Variants in SMURF1 observed in about 807,000 individuals in gnomAD.
The protein encoded by SMURF1 is E3 ubiquitin-protein ligase SMURF1.
Under a neutral mutation model 98.0 loss-of-function variants are expected in SMURF1, and 44 were observed. The ratio of observed to expected loss-of-function variants is 0.45; its 90% CI spans 0.35 to 0.58. SMURF1 has a LOEUF of 0.58. SMURF1 is among the 20% of genes least tolerant of loss of function. The probability of loss-of-function intolerance (pLI) is 0.00; values close to 1 mark genes in which losing one functional copy is unlikely to be tolerated. For missense variants in SMURF1, 687 were observed against 938.4 expected (o/e 0.73, Z 3.50); for synonymous variants, 396 against 374.9 (o/e 1.06, Z -0.65).
intron 3 of SMURF1, among the ~76,000 whole-genome samples, chr7:99,059,945 A>G (rs1310080725): frequency 2.0e-5 from 3 of 152,090 alleles, no homozygotes; most frequent in South Asian, 2.1e-4. Flanking sequence ...GGTAGAAACT[A>G]CAACTAGGTT....
At chr7:99,058,961 G>A (rs1050351305) in intron 3 of SMURF1, among the ~76,000 whole-genome samples, 7 of 152,296 alleles carry the variant, frequency 4.6e-5, no homozygotes, top group African/African-American at 1.7e-4. Context: ...GCGGGTACCT[G>A]TAATCCCAGC....
chr7:99,055,520 G>A (rs1486410577), intron 5 of SMURF1, among the ~76,000 whole-genome samples: 1 of 151,716 alleles, frequency 6.6e-6, no homozygotes, highest in Admixed American at 6.6e-5. Flanking sequence ...TTTTTTTGGG[G>A]GGGATTAAGT....
chr7:99,077,065 G>A (rs114869317), intron 1 of SMURF1, among the ~76,000 whole-genome samples: 1 of 151,688 alleles, frequency 6.6e-6, no homozygotes, highest in East Asian at 1.9e-4. Context: ...TGTGTATGTG[G>A]ATAAATGTGT....
intron 1 of SMURF1, among the ~76,000 whole-genome samples, chr7:99,122,251 C>T (rs1584203435): frequency 6.6e-6 from 1 of 151,508 alleles, no homozygotes; most frequent in African/African-American, 2.4e-5. Context: ...TCGCTTGAAC[C>T]CGGGAGGCAG....
chr7:99,113,084 G>A (rs564075628), intron 1 of SMURF1, among the ~76,000 whole-genome samples: 2 of 152,224 alleles, frequency 1.3e-5, no homozygotes, highest in African/African-American at 4.8e-5. Context: ...AATGAGAGAA[G>A]AGAAAGGAGC....
At chr7:99,107,639 G>A (rs1445412723) in intron 1 of SMURF1, among the ~76,000 whole-genome samples, 1 of 152,166 alleles carries the variant, frequency 6.6e-6, no homozygotes, top group Non-Finnish European at 1.5e-5. Context: ...CATTCTCACT[G>A]CAAACGATCT....
chr7:99,136,104 G>A (rs1170933492), intron 1 of SMURF1, among the ~76,000 whole-genome samples: 4 of 152,182 alleles, frequency 2.6e-5, no homozygotes, highest in African/African-American at 7.2e-5. Context: ...GCTGATGATC[G>A]CTTGAGCCCA....
chr7:99,047,735 C>G lies in SMURF1; in HGVS notation c.1101G>C (p.Gln367His), dbSNP rs1171411146. 1.9e-6 allele frequency: 3 copies of G among 1,614,238 alleles called. No homozygotes were observed. Among genetic ancestry groups the G allele is most frequent in the Non-Finnish European group, 2.5e-6 (3 of 1,180,042 alleles). ...KVLRHELSLQ[Q>H]PQAGHCRIEV... The stretch of plus-strand genomic sequence containing the variant: ...CGATGCGGCAATGACCAGCTTGGGG[C>G]TGCTGAAGCGACAGTTCGTGTCTGA... The change falls in exon 10 of 18, where the codon CAG becomes CAC. Residue 367 changes from glutamine to histidine, a missense_variant. Transcript: ENST00000361368.
chr7:99,041,772 C>T (rs913376976), intron 12 of SMURF1, among the ~76,000 whole-genome samples: 5 of 152,280 alleles, frequency 3.3e-5, no homozygotes, highest in South Asian at 4.1e-4. Context: ...CAGTTTTGAC[C>T]GGGAGGAGGC....
intron 1 of SMURF1, among the ~76,000 whole-genome samples, chr7:99,113,477 C>T (rs1357513970): frequency 6.6e-6 from 1 of 151,954 alleles, no homozygotes; most frequent in African/African-American, 2.4e-5. Context: ...AGCTAAAAAC[C>T]AAGAAAGTTT....
At chr7:99,033,912 C>T (rs3823735) in intron 16 of SMURF1, among the ~76,000 whole-genome samples, 25 of 152,164 alleles carry the variant, frequency 1.6e-4, no homozygotes, top group Admixed American at 3.3e-4. Flanking sequence ...GAAAGGAGGG[C>T]GCAGAGGGCA....
At chr7:99,084,559 G>A (rs1463572419) in intron 1 of SMURF1, among the ~76,000 whole-genome samples, 4 of 152,126 alleles carry the variant, frequency 2.6e-5, no homozygotes, top group African/African-American at 9.7e-5. Context: ...CTAGCTCACA[G>A]AAAATAAACA....
rs1031352187 is a variant in SMURF1, at chr7:99,093,497, G to A, written c.56-31660C>T. On this transcript the variant is annotated intron_variant, in intron 1 of 17. Transcript: ENST00000361368. ...TTTATCACTAAAAAGTCAATAAAAT[G>A]CAACAAAGCAACCACTCTATAATGA... is the stretch of plus-strand genomic sequence containing the variant. Among the ~76,000 whole-genome samples the A allele has an allele frequency of 2.8e-5, 4 of 142,350 alleles. No individual in the cohort carries two copies. In the South Asian group the frequency reaches 9.6e-4, roughly 34 times the overall value. 93.4% of individuals were successfully genotyped at this position (142,350 alleles called of 152,430 possible).
chr7:99,032,783 T>C (rs1386173147), intron 17 of SMURF1: 4 of 516,280 alleles, frequency 7.7e-6, no homozygotes, highest in Admixed American at 3.2e-5. Flanking sequence ...GGTATTTTTT[T>C]ACATGGCCAG....
At chr7:99,054,991 AC>A in intron 5 of SMURF1, 126 bp from the exon 6 acceptor site, 2 of 761,640 alleles carry the variant, frequency 2.6e-6, no homozygotes, top group South Asian at 3.0e-5. Flanking sequence ...GTGTATGCAT[AC>A]ACACATATAT....
chr7:99,051,095 G>T, intron 8 of SMURF1: 1 of 1,123,170 alleles, frequency 8.9e-7, no homozygotes, highest in Non-Finnish European at 1.3e-6. Context: ...AAAAGTTAGT[G>T]ATCATAAGGA....
At chr7:99,031,471 C>CAATT (rs1349334211) in intron 17 of SMURF1, 1 of 152,124 alleles carries the variant, frequency 6.6e-6, no homozygotes, top group Admixed American at 6.5e-5. Flanking sequence ...CTAGGGTAAG[C>CAATT]AATTAAGGAT....
intron 11 of SMURF1, chr7:99,045,488 G>A: frequency 1.9e-6 from 1 of 526,920 alleles, no homozygotes; most frequent in Admixed American, 3.6e-5. Flanking sequence ...ATTCTGGTAG[G>A]TTATGGCAAG....
At chr7:99,100,228 T>A (rs1018082443) in intron 1 of SMURF1, among the ~76,000 whole-genome samples, 1 of 152,114 alleles carries the variant, frequency 6.6e-6, no homozygotes, top group African/African-American at 2.4e-5. Flanking sequence ...AGTAAGAAAG[T>A]AAGAACGCAT....
Sources: gnomAD v4.1 joint callset for allele counts (sites outside exome capture counted in the v4.1 genomes callset) on GRCh38, gnomAD v4.1.1 for gene constraint, MANE v1.5 for transcripts, NCBI Gene and HGNC (gene_info 2026-07-23, HGNC 2026-07-21) for gene names.